The following KLRG1 variants were observed in gnomAD, a reference collection of about 807,000 sequenced individuals.
KLRG1 encodes killer cell lectin-like receptor subfamily G member 1.
KLRG1 carries 16 observed loss-of-function variants against 21.8 expected under a neutral mutation model. That is an observed-to-expected ratio of 0.73 (90% CI 0.50 to 1.11). The LOEUF (loss-of-function observed/expected upper bound fraction) is 1.11. KLRG1 is among the 50% of genes most tolerant of loss of function. The pLI, the probability that KLRG1 is intolerant of heterozygous loss-of-function variation, is 0.00. For missense variants in KLRG1, 173 were observed against 218.3 expected (o/e 0.79, Z 1.31); for synonymous variants, 69 against 75.9 (o/e 0.91, Z 0.47).
At chr12:8,956,149 G>A (rs773788253) in intron 1 of KLRG1, among the ~76,000 whole-genome samples, 14 of 152,154 alleles carry the variant, frequency 9.2e-5, no homozygotes, top group African/African-American at 2.2e-4. Flanking sequence ...ACAAGAACTC[G>A]GGACCTGCCG....
At chr12:9,112,105 G>T in the KLRG1 span, 3 of 1,579,270 alleles carry the variant, frequency 1.9e-6, no homozygotes, top group Non-Finnish European at 2.6e-6. Flanking sequence ...CAAAAAACAG[G>T]TTCCCAGCCT....
the KLRG1 span, among the ~76,000 whole-genome samples, chr12:9,193,898 A>C: frequency 6.6e-6 from 1 of 152,030 alleles, no homozygotes; most frequent in Non-Finnish European, 1.5e-5. Flanking sequence ...GCACTTCTGC[A>C]GTGCCTTTTC....
chr12:9,112,237 C>A, the KLRG1 span: 3 of 1,613,650 alleles, frequency 1.9e-6, no homozygotes, highest in Non-Finnish European at 2.5e-6. Context: ...TTTTCATGAG[C>A]CCCCAAACCC....
chr12:9,026,529 G>A, the KLRG1 span, among the ~76,000 whole-genome samples: 1 of 152,076 alleles, frequency 6.6e-6, no homozygotes, highest in Non-Finnish European at 1.5e-5. Flanking sequence ...ATTTTTGTGG[G>A]GGAAGAAGGA....
chr12:9,112,639 C>A, the KLRG1 span: 3 of 1,268,142 alleles, frequency 2.4e-6, no homozygotes, highest in South Asian at 2.7e-5. Context: ...TCTTACTTAA[C>A]TTCACTCCCT....
At chr12:9,089,258 G>T in the KLRG1 span, 1 of 1,574,534 alleles carries the variant, frequency 6.4e-7, no homozygotes, top group Admixed American at 1.8e-5. Flanking sequence ...CAGGCTTTAG[G>T]TAAAAGAAAG....
At chr12:9,162,308 C>A in the KLRG1 span, 8 of 311,866 alleles carry the variant, frequency 2.6e-5, no homozygotes, top group Non-Finnish European at 4.1e-5. Context: ...TAAGCTTCTG[C>A]AGCTGGGCTT....
At chr12:9,091,386 T>C in the KLRG1 span, 5 of 1,614,144 alleles carry the variant, frequency 3.1e-6, no homozygotes, top group African/African-American at 4.0e-5. Flanking sequence ...CACTCGGTGA[T>C]GGTGTCAGGG....
At chr12:9,160,954 A>C in the KLRG1 span, 1 of 1,203,880 alleles carries the variant, frequency 8.3e-7, no homozygotes, top group Non-Finnish European at 1.2e-6. Context: ...AGAACTTGAT[A>C]ATTCAAATAC....
the KLRG1 span, chr12:9,067,071 C>T: frequency 6.6e-6 from 1 of 152,272 alleles, no homozygotes; most frequent in Non-Finnish European, 1.5e-5. Flanking sequence ...GAACTGATTT[C>T]TGCATCAGAA....
At chr12:9,068,718 C>T in the KLRG1 span, 22 of 1,535,542 alleles carry the variant, frequency 1.4e-5, no homozygotes, top group South Asian at 1.9e-4. Context: ...AATATTTCTA[C>T]GTGAAAATCA....
At chr12:9,111,449 G>C in the KLRG1 span, 2 of 451,040 alleles carry the variant, frequency 4.4e-6, no homozygotes, top group East Asian at 7.0e-5. Flanking sequence ...TTATTGTAAT[G>C]ATCTTATTTA....
the KLRG1 span, among the ~76,000 whole-genome samples, chr12:9,048,106 G>A: frequency 6.6e-6 from 1 of 152,122 alleles, no homozygotes; most frequent in East Asian, 1.9e-4. Flanking sequence ...CTTAAAGATG[G>A]GTCATATCCT....
chr12:9,006,400 A>G (rs1947475407), intron 3 of KLRG1, among the ~76,000 whole-genome samples: 1 of 152,202 alleles, frequency 6.6e-6, no homozygotes, highest in Admixed American at 6.5e-5. Context: ...GCAGAGGGAA[A>G]AGCTATGCAA....
At chr12:9,190,057 G>T in the KLRG1 span, among the ~76,000 whole-genome samples, 1 of 152,146 alleles carries the variant, frequency 6.6e-6, no homozygotes, top group South Asian at 2.1e-4. Context: ...ATGTAAATTA[G>T]TTCAGCCATT....
chr12:9,075,183 TAG>T, the KLRG1 span, among the ~76,000 whole-genome samples: 6 of 152,150 alleles, frequency 3.9e-5, no homozygotes, highest in African/African-American at 1.4e-4. Context: ...CATGAAATAG[TAG>T]AGTTTCTACT....
chr12:8,955,636 TC>T (rs1946279363), intron 1 of KLRG1, among the ~76,000 whole-genome samples: 1 of 151,370 alleles, frequency 6.6e-6, no homozygotes, highest in African/African-American at 2.4e-5. Context: ...GAGTAATCTT[TC>T]CACCTCAGCC....
downstream of KLRG1, among the ~76,000 whole-genome samples, chr12:9,014,003 A>G (rs778883431): frequency 2.0e-5 from 3 of 152,210 alleles, no homozygotes; most frequent in Non-Finnish European, 4.4e-5. Flanking sequence ...TCTCAACAGC[A>G]GAACTGATCA....
chr12:8,973,743 T>C (rs1208129523), intron 1 of KLRG1, among the ~76,000 whole-genome samples: 1 of 152,236 alleles, frequency 6.6e-6, no homozygotes, highest in Non-Finnish European at 1.5e-5. Flanking sequence ...TGTTTTATAA[T>C]TCTCAGTGTG....
Sources: allele counts gnomAD v4.1 joint callset (sites outside exome capture counted in the v4.1 genomes callset), GRCh38; gene constraint gnomAD v4.1.1; transcripts MANE v1.5; gene names NCBI Gene and HGNC (gene_info 2026-07-23, HGNC 2026-07-21).